ATP5MJ: variants seen among roughly 807,000 people sequenced by gnomAD.
ATP5MJ encodes the protein ATP synthase membrane subunit j.
A neutral mutation model predicts 8.3 loss-of-function variants in ATP5MJ; 4 were observed. That is an observed-to-expected ratio of 0.48 (90% CI 0.24 to 1.11). The LOEUF (loss-of-function observed/expected upper bound fraction) is 1.11. ATP5MJ is among the 50% of genes least tolerant of loss of function. The pLI is 0.18. For missense variants in ATP5MJ, 66 were observed against 71.8 expected, an observed-to-expected ratio of 0.92 and a Z score of 0.29; for synonymous variants, 23 against 21.3, an observed-to-expected ratio of 1.08 and a Z score of -0.23.
intron 3 of ATP5MJ, 169 bp downstream of exon 3, chr14:103,913,792 C>G: frequency 5.5e-6 from 4 of 730,880 alleles, no homozygotes; most frequent in Non-Finnish European, 9.1e-6. Context: ...ATTCAGAATT[C>G]TCTTTCCCAG....
chr14:103,921,181 T>C (rs2087675583), intron 1 of ATP5MJ: 3 of 690,498 alleles, frequency 4.3e-6, no homozygotes, highest in South Asian at 1.8e-5. Flanking sequence ...GTTAGGCAGC[T>C]GAACCTCTCA....
At chr14:103,915,648 A>ATT (rs542646013) in intron 1 of ATP5MJ, among the ~76,000 whole-genome samples, 10,348 of 132,786 alleles carry the variant, frequency 0.078, 487 homozygotes, top group African/African-American at 0.13. Flanking sequence ...GTGCCTGGCC[A>ATT]TTTTTTTTTT....
chr14:103,919,942 T>A (rs2087660347), intron 1 of ATP5MJ, among the ~76,000 whole-genome samples: 1 of 151,538 alleles, frequency 6.6e-6, no homozygotes, highest in Non-Finnish European at 1.5e-5. Context: ...TTCTCCTGCC[T>A]CAGCCTCCCG....
chr14:103,914,652 CAA>C, intron 2 of ATP5MJ: 7 of 503,834 alleles, frequency 1.4e-5, no homozygotes, highest in South Asian at 2.6e-5. Context: ...AAAAAAAGTA[CAA>C]AAAAAAAATT....
chr14:103,913,482 G>A (rs1401298664), intron 3 of ATP5MJ: 4 of 189,196 alleles, frequency 2.1e-5, no homozygotes, highest in Non-Finnish European at 4.3e-5. Context: ...GTGGCGGCAG[G>A]TGCCTGTAGT....
chr14:103,921,285 G>A (rs950757708), intron 1 of ATP5MJ, 185 bp downstream of exon 1: 3 of 409,198 alleles, frequency 7.3e-6, no homozygotes, highest in South Asian at 3.4e-5. Context: ...AGGCCTAGGC[G>A]ATGCTTCCCT....
At chr14:103,920,751 T>C (rs1190169341) in intron 1 of ATP5MJ, among the ~76,000 whole-genome samples, 1 of 152,194 alleles carries the variant, frequency 6.6e-6, no homozygotes, top group East Asian at 1.9e-4. Context: ...ATTACAGGCG[T>C]GAACCACCGC....
intron 2 of ATP5MJ, 68 bp from the exon 3 acceptor site, chr14:103,914,052 A>G: frequency 7.0e-7 from 1 of 1,438,444 alleles, no homozygotes; most frequent in East Asian, 2.3e-5. Flanking sequence ...TGTCAAAATT[A>G]ACATTTAGCT....
At chr14:103,918,217 C>A (rs1427460165) in intron 1 of ATP5MJ, 1 of 152,238 alleles carries the variant, frequency 6.6e-6, no homozygotes, top group African/African-American at 2.4e-5. Context: ...TGGAGTGAAT[C>A]CCTTGTCTCT....
At chr14:103,914,604 C>T (rs888118382) in intron 2 of ATP5MJ, 12 of 638,072 alleles carry the variant, frequency 1.9e-5, no homozygotes, top group Non-Finnish European at 3.1e-5. Flanking sequence ...AGTTCAAGAC[C>T]AGCCTGGGTA....
At chr14:103,919,809 A>G (rs370472011) in intron 1 of ATP5MJ, among the ~76,000 whole-genome samples, 13 of 151,754 alleles carry the variant, frequency 8.6e-5, no homozygotes, top group African/African-American at 3.1e-4. Context: ...ACATGTTCCC[A>G]ATACATAATA....
intron 1 of ATP5MJ, among the ~76,000 whole-genome samples, chr14:103,916,294 T>A (rs1172811587): frequency 1.3e-5 from 2 of 152,230 alleles, no homozygotes; most frequent in African/African-American, 2.4e-5. Flanking sequence ...TTTTGTTACT[T>A]TTACAATTTA....
At chr14:103,913,758 T>A (rs993871842) in intron 3 of ATP5MJ, 2 of 622,082 alleles carry the variant, frequency 3.2e-6, no homozygotes, top group African/African-American at 3.7e-5. Context: ...TTTTACTTGA[T>A]CCACTTGACT....
rs1305987112 is a variant in ATP5MJ at position 103,913,991 on chromosome 14, T to C, written c.125-7A>G. On this transcript the variant is annotated splice_region_variant and splice_polypyrimidine_tract_variant and intron_variant, in intron 2 of 3. Transcript: ENST00000286953. ...AAAGCCTTACTTCTTTTATCTAAAA[T>C]AAAAGGAAGGAAAAAAAAGCAGTCA... 1.4e-5 allele frequency: 23 copies of C among 1,602,964 alleles called. No homozygotes were observed. In the Middle Eastern group the frequency reaches 8.3e-4, roughly 58 times the overall value.
intron 1 of ATP5MJ, chr14:103,918,220 T>G (rs2087640879): frequency 6.6e-6 from 1 of 152,206 alleles, no homozygotes; most frequent in Non-Finnish European, 1.5e-5. Context: ...AGTGAATCCC[T>G]TGTCTCTCAG....
intron 1 of ATP5MJ, among the ~76,000 whole-genome samples, chr14:103,916,650 G>A (rs2087628183): frequency 6.6e-6 from 1 of 152,200 alleles, no homozygotes; most frequent in Non-Finnish European, 1.5e-5. Context: ...GAAGACTGAG[G>A]TGGGAAGACT....
Position 103,912,436 on chromosome 14 carries a change from G to T in ATP5MJ, c.*230C>A. 1 of 527,070 alleles carries T rather than the reference G, an allele frequency of 1.9e-6. No homozygotes were observed. The highest frequency in any genetic ancestry group is 3.1e-5 in the South Asian group (1 of 31,826). 32.6% of individuals were successfully genotyped at this position (527,070 alleles called of 1,614,324 possible). A position where few individuals can be genotyped will look rare whatever the true frequency, so the allele number is the denominator to read the frequency against. On this transcript the variant is annotated 3_prime_UTR_variant, in exon 4 of 4. Transcript: ENST00000286953. ...GAGATTCTGATTGCATGCGCTGCAT[G>T]ACAAATTATCTACTCAGAGTATGCC...
chr14:103,915,127 G>A lies in ATP5MJ; in HGVS notation c.63C>T (p.Tyr21=), dbSNP rs763269504. 2.5e-6 allele frequency: 4 copies of A among 1,614,030 alleles called. No homozygotes were observed. In the South Asian group the frequency reaches 3.3e-5, roughly 13 times the overall value. ...GCCCCATTCCTATCCAAATCTCCTG[G>A]TAAACTTTGGTGTAGTAGGGCTTCA... The part of the protein sequence containing the change: ...IPMKPYYTKV[Y]QEIWIGMGLM... The change falls in exon 2 of 4, where the codon TAC becomes TAT. Residue 21 remains tyrosine, a synonymous_variant. Coordinates refer to ENST00000286953, the MANE Select transcript of ATP5MJ (RefSeq NM_004894.3).
rs112876390 is a variant in ATP5MJ, at chr14:103,915,304, G to A, written c.1-115C>T. ...TTTCCCATGACTGCTAGGGAGCCTCGCCTGTGTCAGATGTCAGACCCGTTC... is the reference window on the plus strand; with the variant it reads ...TTTCCCATGACTGCTAGGGAGCCTCACCTGTGTCAGATGTCAGACCCGTTC... On this transcript the variant is annotated intron_variant, in intron 1 of 3. Transcript: ENST00000286953. The A allele has an allele frequency of 2.3e-3, 2,803 of 1,213,138 alleles. 55 individuals carry two copies. In the African/African-American group the frequency reaches 0.037, roughly 16 times the overall value. The allele number at this position is 1,213,138 out of a possible 1,614,324, so 75.1% of individuals were successfully genotyped here.
Sources: allele counts gnomAD v4.1 joint callset (sites outside exome capture counted in the v4.1 genomes callset), GRCh38; gene constraint gnomAD v4.1.1; transcripts MANE v1.5; gene names NCBI Gene and HGNC (gene_info 2026-07-23, HGNC 2026-07-21).